The following UROC1 variants were observed in gnomAD, a reference collection of about 807,000 sequenced individuals.
UROC1 encodes urocanate hydratase.
Under a neutral mutation model 89.5 loss-of-function variants are expected in UROC1, and 79 were observed. The ratio of observed to expected loss-of-function variants is 0.88; its 90% confidence interval spans 0.74 to 1.06. The LOEUF is 1.06. Ranked by LOEUF, UROC1 falls within the 50% of genes least tolerant of loss-of-function variation. UROC1 has a pLI of 0.00. For synonymous variants in UROC1, 361 were observed against 354.8 expected, an observed-to-expected ratio of 1.02 and a Z score of -0.20; for missense variants, 885 against 907.8, an observed-to-expected ratio of 0.97 and a Z score of 0.32.
At chr3:126,505,522 C>T (rs1190588454) in intron 8 of UROC1, among the ~76,000 whole-genome samples, 179 bp downstream of exon 8, 1 of 152,022 alleles carries the variant, frequency 6.6e-6, no homozygotes, top group Non-Finnish European at 1.5e-5. Context: ...AAGCTTATGC[C>T]GCCCATGGGA....
chr3:126,509,479 G>A, intron 3 of UROC1, 106 bp downstream of exon 3: 1 of 1,150,108 alleles, frequency 8.7e-7, no homozygotes, highest in Non-Finnish European at 1.3e-6. Context: ...GCAACTTTCT[G>A]TGAATCTATA....
At chr3:126,500,216 C>T (rs1935885206) in intron 11 of UROC1, 62 bp from the exon 12 acceptor site, 1 of 1,524,460 alleles carries the variant, frequency 6.6e-7, no homozygotes, top group South Asian at 1.1e-5. Flanking sequence ...CAATGTGGCA[C>T]CCTCAGTCGC....
At chr3:126,514,111 C>G (rs1008166607) in intron 1 of UROC1, among the ~76,000 whole-genome samples, 1 of 152,254 alleles carries the variant, frequency 6.6e-6, no homozygotes, top group Admixed American at 6.5e-5. Flanking sequence ...GTTTCTCCTG[C>G]TGGCTGAAAT....
chr3:126,516,716 C>G (rs1200837658), intron 1 of UROC1, among the ~76,000 whole-genome samples: 1 of 119,736 alleles, frequency 8.4e-6, no homozygotes, highest in Non-Finnish European at 1.8e-5. Context: ...CCTGCTTCCC[C>G]TTTCTCCCTT....
Position 126,500,767 on chromosome 3 carries a change from T to G in UROC1, c.1073A>C (p.Gln358Pro), listed in dbSNP as rs779509709. ...NPFNGGYYPV[Q>P]LSFTEAQSLM... ...GCTCTGGGCCTCCGTGAAGCTGAGC[T>G]GCACAGGGTAGTAGCCGCCATTGAA... Residue 358 changes from glutamine (Q) to proline (P), a missense_variant, in exon 11 of 20, where the codon CAG becomes CCG. By Grantham distance (76) the Gln-to-Pro change is moderately conservative. Coordinates refer to ENST00000290868, the MANE Select transcript of UROC1 (RefSeq NM_144639.3). 6.2e-7 allele frequency: 1 copy of G among 1,614,006 alleles called. No homozygotes were observed. The highest frequency in any genetic ancestry group is 1.3e-5 in the African/African-American group (1 of 74,936).
intron 17 of UROC1, among the ~76,000 whole-genome samples, chr3:126,488,679 A>G (rs1021399515): frequency 1.3e-5 from 2 of 152,258 alleles, no homozygotes; most frequent in Non-Finnish European, 2.9e-5. Context: ...TGACCCCATT[A>G]GGGAACTGAG....
chr3:126,482,593 C>A, intron 19 of UROC1, 108 bp from the exon 20 acceptor site: 1 of 1,538,296 alleles, frequency 6.5e-7, no homozygotes, highest in Non-Finnish European at 8.9e-7. Context: ...CTGAGGCTGT[C>A]CGTGGGGACA....
At chr3:126,503,136 G>A (rs575529218) in intron 9 of UROC1, among the ~76,000 whole-genome samples, 1 of 152,276 alleles carries the variant, frequency 6.6e-6, no homozygotes, top group East Asian at 1.9e-4. Flanking sequence ...CTGGAGTGTG[G>A]AATTTCTTCT....
chr3:126,485,815 C>T (rs1340453223), intron 18 of UROC1, among the ~76,000 whole-genome samples: 1 of 151,958 alleles, frequency 6.6e-6, no homozygotes, highest in African/African-American at 2.4e-5. Flanking sequence ...GTTTCAGATG[C>T]ACTGTAAGAC....
chr3:126,501,438 C>T, intron 9 of UROC1, 158 bp from the exon 10 acceptor site: 1 of 813,622 alleles, frequency 1.2e-6, no homozygotes, highest in Non-Finnish European at 2.0e-6. Flanking sequence ...TGAAGCATGC[C>T]TGCAGGACCC....
chr3:126,495,527 C>T (rs1182409811), intron 15 of UROC1, among the ~76,000 whole-genome samples: 1 of 152,214 alleles, frequency 6.6e-6, no homozygotes, highest in African/African-American at 2.4e-5. Context: ...GGTTAACCCA[C>T]ACTTTGTTTA....
chr3:126,498,250 A>G, intron 13 of UROC1, 78 bp from the exon 14 acceptor site: 1 of 1,609,262 alleles, frequency 6.2e-7, no homozygotes, highest in Non-Finnish European at 8.5e-7. Context: ...CATGCCAGGG[A>G]GGAGGGCTCA....
At chr3:126,492,872 A>G (rs1935687458) in intron 15 of UROC1, among the ~76,000 whole-genome samples, 1 of 152,176 alleles carries the variant, frequency 6.6e-6, no homozygotes, top group South Asian at 2.1e-4. Flanking sequence ...GCTCCATCCC[A>G]CAGTGATGAC....
At chr3:126,496,192 C>A (rs189650580) in intron 14 of UROC1, 84 bp from the exon 15 acceptor site, 3 of 1,397,208 alleles carry the variant, frequency 2.1e-6, no homozygotes, top group Admixed American at 3.9e-5. Flanking sequence ...TCAGCACAGA[C>A]CCTGCCCCGA....
chr3:126,493,239 A>G (rs1935694552), intron 15 of UROC1, among the ~76,000 whole-genome samples: 1 of 151,924 alleles, frequency 6.6e-6, no homozygotes, highest in East Asian at 1.9e-4. Context: ...TGCTGCTGGC[A>G]TGGGTCGGGA....
intron 3 of UROC1, 76 bp from the exon 4 acceptor site, chr3:126,508,551 C>T (rs1027324445): frequency 3.1e-6 from 4 of 1,275,796 alleles, no homozygotes; most frequent in African/African-American, 3.0e-5. Flanking sequence ...AGAGAAAGGG[C>T]CCCCATCCCC....
intron 10 of UROC1, 116 bp from the exon 11 acceptor site, chr3:126,500,990 C>A: frequency 6.9e-7 from 1 of 1,443,698 alleles, no homozygotes; most frequent in South Asian, 1.2e-5. Flanking sequence ...GCAGGCACAG[C>A]CCGAGCCAGA....
intron 1 of UROC1, among the ~76,000 whole-genome samples, chr3:126,511,684 A>C (rs554864106): frequency 6.6e-6 from 1 of 152,262 alleles, no homozygotes; most frequent in African/African-American, 2.4e-5. Flanking sequence ...GGCCATTCTT[A>C]AAGGTGAAAT....
chr3:126,516,717 T>A (rs187756007), intron 1 of UROC1, among the ~76,000 whole-genome samples: 332 of 18,376 alleles, frequency 0.018, 2 homozygotes, highest in Middle Eastern at 0.095. Flanking sequence ...CTGCTTCCCC[T>A]TTCTCCCTTC....
Sources: gnomAD v4.1 joint callset for allele counts (sites outside exome capture counted in the v4.1 genomes callset) on GRCh38, gnomAD v4.1.1 for gene constraint, MANE v1.5 for transcripts, NCBI Gene and HGNC (gene_info 2026-07-23, HGNC 2026-07-21) for gene names.